GABRG3: variants seen among roughly 807,000 people sequenced by gnomAD.
GABRG3 encodes the protein gamma-aminobutyric acid type A receptor subunit gamma3.
A neutral mutation model predicts 48.8 loss-of-function variants in GABRG3; 25 were observed. That is an observed-to-expected ratio of 0.51 (90% CI 0.37 to 0.72). GABRG3 has a LOEUF of 0.72. Ranked by LOEUF, GABRG3 falls within the 30% of genes least tolerant of loss-of-function variation. The pLI is 0.00. For missense variants in GABRG3, 394 were observed against 577.9 expected, an observed-to-expected ratio of 0.68 and a Z score of 3.26; for synonymous variants, 227 against 217.6, an observed-to-expected ratio of 1.04 and a Z score of -0.38.
At chr15:27,417,301 G>A (rs906161697) in intron 5 of GABRG3, among the ~76,000 whole-genome samples, 3 of 152,114 alleles carry the variant, frequency 2.0e-5, no homozygotes, top group Non-Finnish European at 4.4e-5. Context: ...CTTAGTTGAC[G>A]TTCTTGAGAT....
rs80114720 is a variant in GABRG3 at position 27,527,174 on chromosome 15, G to A, written c.866-259G>A. On this transcript the variant is annotated intron_variant, in intron 7 of 9. Coordinates refer to ENST00000615808, the MANE Select transcript of GABRG3 (RefSeq NM_033223.5). ...ACGTTAAAAATTACCAACAATGAGC[G>A]AATTACTGAATGAATTGAAAGGTGT... Among the ~76,000 whole-genome samples, 85 of 152,236 alleles carry A rather than the reference G, an allele frequency of 5.6e-4. 1 individual carries two copies. In the East Asian group the frequency reaches 0.011, roughly 20 times the overall value.
chr15:27,041,540 A>G (rs1262870609), intron 3 of GABRG3, among the ~76,000 whole-genome samples: 2 of 152,204 alleles, frequency 1.3e-5, no homozygotes, highest in African/African-American at 4.8e-5. Context: ...CCTAGATCTC[A>G]TGGTGTGGCT....
rs568989433 is a variant in GABRG3, at chr15:27,066,681, G to T, written c.270+39860G>T. On this transcript the variant is annotated intron_variant, in intron 3 of 9. Coordinates refer to ENST00000615808, the MANE Select transcript of GABRG3 (RefSeq NM_033223.5). Reference sequence around the variant, plus strand: ...GGGCTGACCACAGAGAGAGGCCAGAGCCTGATCAGCATTCAGGAGGTCATA... The same window carrying T: ...GGGCTGACCACAGAGAGAGGCCAGATCCTGATCAGCATTCAGGAGGTCATA... Among the ~76,000 whole-genome samples the T allele has an allele frequency of 6.6e-5, 10 of 152,166 alleles. No homozygotes were observed. In the East Asian group the frequency reaches 1.5e-3, roughly 23 times the overall value.
rs142018203 is a variant in GABRG3 at position 27,289,200 on chromosome 15, T to C, written c.271-37609T>C. The stretch of plus-strand genomic sequence containing the variant: ...GTGCATCTTAAATCTGTAACTTTTT[T>C]CCTTGATCCATTTAGGTTTGTATTT... On this transcript the variant is annotated intron_variant, in intron 3 of 9. Transcript: ENST00000615808. 6.7e-3 allele frequency among the ~76,000 whole-genome samples: 1,021 copies of C among 152,290 alleles called. 13 individuals are homozygous for C. The highest frequency in any genetic ancestry group is 0.024 in the African/African-American group (981 of 41,558).
chr15:27,287,739 T>TC (rs1337985954), intron 3 of GABRG3, among the ~76,000 whole-genome samples: 1 of 142,068 alleles, frequency 7.0e-6, no homozygotes, highest in African/African-American at 2.7e-5. Flanking sequence ...TGCTGTGTCT[T>TC]TTTTTTTTTT....
At chr15:27,189,772 AGTG>A (rs1165924877) in intron 3 of GABRG3, among the ~76,000 whole-genome samples, 2 of 152,112 alleles carry the variant, frequency 1.3e-5, no homozygotes, top group Non-Finnish European at 2.9e-5. Flanking sequence ...GTTGAATAGG[AGTG>A]GTGAGACAGG....
At chr15:27,029,516 T>G (rs892613013) in intron 3 of GABRG3, among the ~76,000 whole-genome samples, 2 of 151,988 alleles carry the variant, frequency 1.3e-5, no homozygotes, top group Non-Finnish European at 2.9e-5. Context: ...TGTGCACACA[T>G]GCATCACACG....
intron 3 of GABRG3, among the ~76,000 whole-genome samples, chr15:27,308,470 TA>T (rs1174861261): frequency 6.8e-6 from 1 of 147,706 alleles, no homozygotes; most frequent in African/African-American, 2.5e-5. Flanking sequence ...CATGTTTATA[TA>T]TAAACATATA....
At chr15:27,058,871 A>G (rs778928721) in intron 3 of GABRG3, among the ~76,000 whole-genome samples, 1 of 152,192 alleles carries the variant, frequency 6.6e-6, no homozygotes, top group African/African-American at 2.4e-5. Context: ...GCTATAGTAC[A>G]TATTTCTGAA....
At chr15:27,522,411 A>G (rs867420864) in intron 7 of GABRG3, among the ~76,000 whole-genome samples, 1 of 151,770 alleles carries the variant, frequency 6.6e-6, no homozygotes, top group Admixed American at 6.5e-5. Flanking sequence ...GAAAAACATC[A>G]GAAATGGTAA....
intron 2 of GABRG3, among the ~76,000 whole-genome samples, chr15:27,023,069 C>T (rs1895925900): frequency 6.6e-6 from 1 of 152,158 alleles, no homozygotes; most frequent in East Asian, 1.9e-4. Context: ...ATTCTCAATT[C>T]TTAGGAAATA....
chr15:27,486,851 T>C (rs1381071132), intron 6 of GABRG3, among the ~76,000 whole-genome samples: 1 of 152,222 alleles, frequency 6.6e-6, no homozygotes, highest in African/African-American at 2.4e-5. Context: ...GCATTGTCTT[T>C]CTTTAGTAAT....
intron 3 of GABRG3, among the ~76,000 whole-genome samples, chr15:27,030,283 C>A (rs987669239): frequency 6.6e-6 from 1 of 152,126 alleles, no homozygotes; most frequent in African/African-American, 2.4e-5. Context: ...ATTTCACTTT[C>A]TCCTTCCTCT....
chr15:27,208,492 G>T (rs1038820091), intron 3 of GABRG3: 11 of 174,866 alleles, frequency 6.3e-5, no homozygotes, highest in Non-Finnish European at 1.3e-4. Flanking sequence ...GAAGCTTGGG[G>T]ATATCCTGAT....
intron 3 of GABRG3, among the ~76,000 whole-genome samples, chr15:27,207,762 G>T (rs1468666120): frequency 6.6e-6 from 1 of 152,198 alleles, no homozygotes; most frequent in Non-Finnish European, 1.5e-5. Context: ...TTTGGGAAGG[G>T]CAATCATGAG....
chr15:27,134,721 TCTG>T (rs1425426326), intron 3 of GABRG3, among the ~76,000 whole-genome samples: 1 of 152,242 alleles, frequency 6.6e-6, no homozygotes, highest in African/African-American at 2.4e-5. Flanking sequence ...CTCCAGGGCT[TCTG>T]CTGCTCATGT....
intron 3 of GABRG3, among the ~76,000 whole-genome samples, chr15:27,305,342 A>G (rs1003185506): frequency 2.0e-5 from 3 of 151,424 alleles, no homozygotes; most frequent in African/African-American, 4.8e-5. Flanking sequence ...ATAGGAAACT[A>G]AAACTCTAAT....
At chr15:27,192,487 G>A (rs370375853) in intron 3 of GABRG3, among the ~76,000 whole-genome samples, 9 of 151,712 alleles carry the variant, frequency 5.9e-5, no homozygotes, top group South Asian at 2.1e-4. Context: ...ATCTTCCATC[G>A]CTGATACCCT....
chr15:27,217,975 G>T (rs2140438921), intron 3 of GABRG3, among the ~76,000 whole-genome samples: 1 of 152,272 alleles, frequency 6.6e-6, no homozygotes, highest in Non-Finnish European at 1.5e-5. Flanking sequence ...GGGCCAGTCT[G>T]TCGCCTTCAG....
Sources: allele counts gnomAD v4.1 joint callset (sites outside exome capture counted in the v4.1 genomes callset), GRCh38; gene constraint gnomAD v4.1.1; transcripts MANE v1.5; gene names NCBI Gene and HGNC (gene_info 2026-07-23, HGNC 2026-07-21).